The following KMT2A variants were observed in gnomAD, a reference collection of about 807,000 sequenced individuals.
KMT2A encodes histone-lysine N-methyltransferase 2A.
A neutral mutation model predicts 345.3 loss-of-function variants in KMT2A; 16 were observed. The observed-to-expected ratio is 0.05, with a 90% confidence interval of 0.03 to 0.07. The LOEUF (loss-of-function observed/expected upper bound fraction) is 0.07. Ranked by LOEUF, KMT2A falls within the 10% of genes least tolerant of loss-of-function variation. The pLI is 1.00. For synonymous variants in KMT2A, 1,599 were observed against 1,778.6 expected, an observed-to-expected ratio of 0.90 and a Z score of 2.54; for missense variants, 3,272 against 4,841.6, an observed-to-expected ratio of 0.68 and a Z score of 9.62.
At chr11:118,482,302 C>A (rs181457789) in intron 7 of KMT2A, 120 bp from the exon 8 acceptor site, 2 of 900,798 alleles carry the variant, frequency 2.2e-6, no homozygotes, top group Non-Finnish European at 1.6e-6. Context: ...ATTTCCTGTT[C>A]GAAGCCTAGA....
Position 118,521,687 on chromosome 11 carries a change from GAGACATT to G in KMT2A, c.11644-206_11644-200del, listed in dbSNP as rs1227617217. Among the ~76,000 whole-genome samples, 7 of 152,162 alleles carry G rather than the reference GAGACATT, an allele frequency of 4.6e-5. No homozygotes were observed. The highest frequency in any genetic ancestry group is 1.7e-4 in the African/African-American group (7 of 41,430). ...AAGTTTTAGGTTTCTCTCTCCTGCA[GAGACATT>G]AGAAACCTCTAGACTAGTGGCCTGT... On this transcript the variant is annotated intron_variant, in intron 35 of 35. Transcript: ENST00000534358. The surrounding 1 kb of genome is among the most constrained non-coding windows in gnomAD (Gnocchi z 5.3).
At position 118,491,182 on chromosome 11, in the gene KMT2A, T is replaced by C. The variant is rs1555042360; in HGVS notation, c.4697-14T>C. 6 of 1,612,492 alleles carry C rather than the reference T, an allele frequency of 3.7e-6. No individual in the cohort carries two copies. The East Asian group carries it at 6.7e-5, about 18-fold the overall frequency. On this transcript the variant is annotated splice_polypyrimidine_tract_variant and intron_variant, in intron 13 of 35. Coordinates refer to ENST00000534358, the MANE Select transcript of KMT2A (RefSeq NM_001197104.2). This position sits in a 1 kb window ranked among gnomAD's most constrained non-coding sequence, Gnocchi z 4.2. ...TGAGCCAAAGCACTGCTGTAAACTTTGCTTTGCTTTCAGGAAACTTCTGCC... is the reference window on the plus strand; with the variant it reads ...TGAGCCAAAGCACTGCTGTAAACTTCGCTTTGCTTTCAGGAAACTTCTGCC...
chr11:118,488,988 T>C (rs1213557071), intron 11 of KMT2A, among the ~76,000 whole-genome samples: 6 of 152,008 alleles, frequency 3.9e-5, no homozygotes, highest in Non-Finnish European at 7.4e-5. Context: ...TTAAAGTATA[T>C]GGTGGGCGGA....
Position 118,501,144 on chromosome 11 carries a change from A to G in KMT2A, c.6316A>G (p.Thr2106Ala). 6.2e-7 allele frequency: 1 copy of G among 1,613,514 alleles called. No individual in the cohort carries two copies. The highest frequency in any genetic ancestry group is 2.2e-5 in the East Asian group (1 of 44,870). ...RTIAHSPTSF[T>A]ESSSKESQNT... Reference sequence around the variant, plus strand: ...CATTGCCCATAGTCCAACATCTTTTACAGGTTAGTCTTGAATCAAGATGGG... The same window carrying G: ...CATTGCCCATAGTCCAACATCTTTTGCAGGTTAGTCTTGAATCAAGATGGG... Residue 2106 changes from threonine (T) to alanine (A), a missense_variant, in exon 25 of 36, where the codon ACA (threonine) becomes GCA (alanine). Coordinates refer to ENST00000534358, the MANE Select transcript of KMT2A (RefSeq NM_001197104.2).
rs1000423457 is a variant in KMT2A, at chr11:118,474,369, T to C, written c.3156+54T>C. The C allele has an allele frequency of 7.7e-6, 12 of 1,561,978 alleles. No homozygotes were observed. In the Admixed American group the frequency reaches 9.4e-5, roughly 12 times the overall value. On this transcript the variant is annotated intron_variant, in intron 3 of 35. Coordinates refer to ENST00000534358, the MANE Select transcript of KMT2A (RefSeq NM_001197104.2). ...CTAACAGTTTATTGAGCCCTTTCTA[T>C]GGGCAAGTTTTAGGCTAAGTGGTTC... is the stretch of plus-strand genomic sequence containing the variant.
chr11:118,489,117 G>A (rs1451006289), intron 11 of KMT2A, among the ~76,000 whole-genome samples: 1 of 151,690 alleles, frequency 6.6e-6, no homozygotes, highest in Non-Finnish European at 1.5e-5. Flanking sequence ...CAGCTACTTG[G>A]GAGGCTGAGG....
Position 118,496,029 on chromosome 11 carries a change from A to G in KMT2A, c.5557+136A>G. 1 of 843,696 alleles carries G rather than the reference A, an allele frequency of 1.2e-6. No homozygotes were observed. Among genetic ancestry groups the G allele is most frequent in the South Asian group, 1.7e-5 (1 of 58,212 alleles). 52.3% of individuals were successfully genotyped at this position (843,696 alleles called of 1,614,324 possible). ...TCAGGTCATCCTTAAATGTAATACC[A>G]TCATTAATTTTGCTTCACTTGAGGT... On this transcript the variant is annotated intron_variant, in intron 19 of 35. Coordinates refer to ENST00000534358, the MANE Select transcript of KMT2A (RefSeq NM_001197104.2). The surrounding 1 kb of genome is among the most constrained non-coding windows in gnomAD (Gnocchi z 4.7).
chr11:118,494,787 C>CT lies in KMT2A; in HGVS notation c.5363+28dup, dbSNP rs1235328142. The CT allele has an allele frequency of 8.8e-6, 14 of 1,590,662 alleles. No homozygotes were observed. The highest frequency in any genetic ancestry group is 1.7e-4 in the Middle Eastern group (1 of 5,980). ...AAGCAAGTAAGTGAATTTAGCATAA[C>CT]TTTTTTTTCTCCTCATCGGCTAGAA... On this transcript the variant is annotated intron_variant, in intron 18 of 35. Coordinates refer to ENST00000534358, the MANE Select transcript of KMT2A (RefSeq NM_001197104.2). The surrounding 1 kb of genome is among the most constrained non-coding windows in gnomAD (Gnocchi z 5.8).
At chr11:118,447,981 A>G (rs189001933) in intron 1 of KMT2A, 1 of 156,498 alleles carries the variant, frequency 6.4e-6, no homozygotes, top group Non-Finnish European at 1.4e-5. Context: ...AGTCCTGCCT[A>G]CATATGTATA....
rs1204722217 is a variant in KMT2A at position 118,493,659 on chromosome 11, ATTAT to A, written c.5178+435_5178+438del. Among the ~76,000 whole-genome samples, 3 of 152,038 alleles carry A rather than the reference ATTAT, an allele frequency of 2.0e-5. No individual in the cohort carries two copies. Among genetic ancestry groups the A allele is most frequent in the Admixed American group, 1.3e-4 (2 of 15,266 alleles). On this transcript the variant is annotated intron_variant, in intron 16 of 35. Coordinates refer to ENST00000534358, the MANE Select transcript of KMT2A (RefSeq NM_001197104.2). This position sits in a 1 kb window ranked among gnomAD's most constrained non-coding sequence, Gnocchi z 5.8. ...TGATTTTAAGTATGTATAGGAAATG[ATTAT>A]TTATTATCTCATGATCTATATTTGC...
At chr11:118,515,854 A>T (rs1293327395) in intron 31 of KMT2A, among the ~76,000 whole-genome samples, 2 of 151,790 alleles carry the variant, frequency 1.3e-5, no homozygotes, top group Non-Finnish European at 2.9e-5. Flanking sequence ...ACACCCAGCT[A>T]ATTTTTGTAT....
chr11:118,501,104 T>C lies in KMT2A; in HGVS notation c.6276T>C (p.His2092=), dbSNP rs782267350. Residue 2092 remains histidine, a synonymous_variant, in exon 25 of 36, where the codon CAT becomes CAC. Coordinates refer to ENST00000534358, the MANE Select transcript of KMT2A (RefSeq NM_001197104.2). ...VEPDINSTVE[H]DENRTIAHSP... ...CGGATATCAACAGCACTGTTGAACATGATGAAAACAGGACCATTGCCCATA... is the reference window on the plus strand; with the variant it reads ...CGGATATCAACAGCACTGTTGAACACGATGAAAACAGGACCATTGCCCATA... The C allele has an allele frequency of 9.3e-6, 15 of 1,614,102 alleles. No individual in the cohort carries two copies. Among genetic ancestry groups the C allele is most frequent in the East Asian group, 8.9e-5 (4 of 44,892 alleles).
At chr11:118,451,411 A>G (rs1248327578) in intron 1 of KMT2A, among the ~76,000 whole-genome samples, 1 of 151,904 alleles carries the variant, frequency 6.6e-6, no homozygotes, top group East Asian at 1.9e-4. Flanking sequence ...CTTTTGAGAC[A>G]GAGTCTTGCC....
chr11:118,520,071 CTTGAGTG>C lies in KMT2A; in HGVS notation c.11429+8_11429+14del, dbSNP rs782142906. 1 of 1,591,138 alleles carries C rather than the reference CTTGAGTG, an allele frequency of 6.3e-7. No individual in the cohort carries two copies. The highest frequency in any genetic ancestry group is 8.6e-7 in the Non-Finnish European group (1 of 1,159,380). ...TACAGCTGAAGTCAGCTCGGTAAGT[CTTGAGTG>C]GGGAGCAGTCATTAGAAACTGCTTT... On this transcript the variant is annotated splice_region_variant and intron_variant, in intron 33 of 35. Transcript: ENST00000534358. This position sits in a 1 kb window ranked among gnomAD's most constrained non-coding sequence, Gnocchi z 4.3.
chr11:118,496,306 C>G lies in KMT2A; in HGVS notation c.5603C>G (p.Pro1868Arg). Reference protein sequence around the residue: ...REDSPELNPPPGIEDNRQCAL... With the variant: ...REDSPELNPPRGIEDNRQCAL... Reference sequence around the variant, plus strand: ...GACAGTCCAGAGCTGAACCCACCCCCAGGCATAGAAGACAATAGACAGTGT... The same window carrying G: ...GACAGTCCAGAGCTGAACCCACCCCGAGGCATAGAAGACAATAGACAGTGT... Residue 1868 changes from proline to arginine, a missense_variant, in exon 20 of 36, where the codon CCA (proline) becomes CGA (arginine). By Grantham distance (103) the Pro-to-Arg change is moderately radical. Transcript: ENST00000534358. The surrounding 1 kb of genome is among the most constrained non-coding windows in gnomAD (Gnocchi z 4.7). The G allele has an allele frequency of 6.2e-7, 1 of 1,613,904 alleles. No individual in the cohort carries two copies. Among genetic ancestry groups the G allele is most frequent in the Non-Finnish European group, 8.5e-7 (1 of 1,179,852 alleles).
In KMT2A at chr11:118,494,412, C is replaced by T; in HGVS notation, c.5289+14C>T. On this transcript the variant is annotated intron_variant, in intron 17 of 35. Coordinates refer to ENST00000534358, the MANE Select transcript of KMT2A (RefSeq NM_001197104.2). This position sits in a 1 kb window ranked among gnomAD's most constrained non-coding sequence, Gnocchi z 5.8. ...TTCTTCATTCGGGTGAATGATATTA[C>T]TAATTCATGTTTTTAATGCTTACCT... 7.5e-7 allele frequency: 1 copy of T among 1,335,998 alleles called. No homozygotes were observed. The highest frequency in any genetic ancestry group is 1.1e-6 in the Non-Finnish European group (1 of 927,998). 82.8% of individuals were successfully genotyped at this position (1,335,998 alleles called of 1,614,324 possible). A position where few individuals can be genotyped will look rare whatever the true frequency, so the allele number is the denominator to read the frequency against.
Position 118,526,177 on chromosome 11 carries a change from G to T in KMT2A, c.*4005G>T. 1 of 216,276 alleles carries T rather than the reference G, an allele frequency of 4.6e-6. No homozygotes were observed. Among genetic ancestry groups the T allele is most frequent in the Non-Finnish European group, 9.3e-6 (1 of 107,294 alleles). 13.4% of individuals were successfully genotyped at this position (216,276 alleles called of 1,614,324 possible). On this transcript the variant is annotated 3_prime_UTR_variant, in exon 36 of 36. Transcript: ENST00000534358. ...CTAACCATAAAGGAATGGTAGAACA[G>T]TCCATTCCTCGGATCAGAGAAAAAT...
intron 1 of KMT2A, chr11:118,450,083 TTGTG>T (rs1949503405): frequency 3.3e-5 from 5 of 152,226 alleles, no homozygotes; most frequent in Non-Finnish European, 5.9e-5. Flanking sequence ...AACCCTGTGA[TTGTG>T]ATGCTTAACT....
chr11:118,441,178 T>G (rs1023550786), intron 1 of KMT2A, among the ~76,000 whole-genome samples: 12 of 148,376 alleles, frequency 8.1e-5, no homozygotes, highest in Non-Finnish European at 1.2e-4. Flanking sequence ...ATAATTTTTG[T>G]TTTTTTTTTG....
Sources: gnomAD v4.1 joint callset for allele counts (sites outside exome capture counted in the v4.1 genomes callset) on GRCh38, gnomAD v4.1.1 for gene constraint, Gnocchi (gnomAD v3.1) non-coding constraint, MANE v1.5 for transcripts, NCBI Gene and HGNC (gene_info 2026-07-23, HGNC 2026-07-21) for gene names.